Variants in ARHGAP1 observed in about 807,000 individuals in gnomAD.
The protein encoded by ARHGAP1 is Rho GTPase activating protein 1, also known as rho GTPase-activating protein 1.
ARHGAP1 carries 23 observed loss-of-function variants against 52.2 expected under a neutral mutation model. That is an observed-to-expected ratio of 0.44 (90% CI 0.32 to 0.62). ARHGAP1 has a LOEUF of 0.62. Among genes scored for constraint, ARHGAP1 ranks in the 20% least tolerant of loss-of-function variants. The pLI, the probability that ARHGAP1 is intolerant of heterozygous loss-of-function variation, is 0.05. For missense variants in ARHGAP1, 480 were observed against 560.9 expected, an observed-to-expected ratio of 0.86 and a Z score of 1.46; for synonymous variants, 210 against 228.4, an observed-to-expected ratio of 0.92 and a Z score of 0.73.
In ARHGAP1 at chr11:46,678,298, A is replaced by C. The variant is rs933635562; in HGVS notation, c.*739T>G. The C allele has an allele frequency of 3.5e-5, 6 of 171,332 alleles. No homozygotes were observed. The highest frequency in any genetic ancestry group is 3.0e-4 in the Admixed American group (5 of 16,824). 10.6% of individuals were successfully genotyped at this position (171,332 alleles called of 1,614,324 possible). On this transcript the variant is annotated 3_prime_UTR_variant, in exon 13 of 13. Transcript: ENST00000311956. The stretch of plus-strand genomic sequence containing the variant: ...GTAGCTCTCGGGGGCGGGGAGGTGG[A>C]GAGGGAGGTTTCAAGTGGATGCTGG...
chr11:46,689,197 G>A (rs1294712189), intron 3 of ARHGAP1, among the ~76,000 whole-genome samples: 4 of 151,072 alleles, frequency 2.6e-5, no homozygotes, highest in Admixed American at 6.6e-5. Context: ...AAGGAATGAA[G>A]TACTGATACA....
At chr11:46,683,894 C>A (rs1173208921) in intron 4 of ARHGAP1, among the ~76,000 whole-genome samples, 6 of 152,218 alleles carry the variant, frequency 3.9e-5, no homozygotes, top group Non-Finnish European at 8.8e-5. Flanking sequence ...CCTGCCTCGG[C>A]CTCCCAAAGT....
rs763062328 is a variant in ARHGAP1, at chr11:46,688,252, T to C, written c.238A>G (p.Lys80Glu). The change falls in exon 4 of 13, where the codon AAG becomes GAG. Residue 80 changes from lysine (K) to glutamate (E), a missense_variant. Lys to Glu is a moderately conservative substitution (Grantham distance 56). Transcript: ENST00000311956. ...AACACAATGATCTTCCGCCCATACT[T>C]GTCATCTCCTAGGTGTGGAGAAAGA... ...HQIVEVAGDDKYGRKIIVFSA... is the reference protein window; with the variant it reads ...HQIVEVAGDDEYGRKIIVFSA... 6.2e-7 allele frequency: 1 copy of C among 1,613,642 alleles called. No homozygotes were observed. The highest frequency in any genetic ancestry group is 1.7e-5 in the Admixed American group (1 of 59,964).
Position 46,681,571 on chromosome 11 carries a change from T to C in ARHGAP1, c.450-192A>G. ...GCCTCAGCCTCCTGAGTAACTAGGATTACAGGCACCCACCACCACACCTAG... is the reference window on the plus strand; with the variant it reads ...GCCTCAGCCTCCTGAGTAACTAGGACTACAGGCACCCACCACCACACCTAG... On this transcript the variant is annotated intron_variant, in intron 5 of 12. Coordinates refer to ENST00000311956, the MANE Select transcript of ARHGAP1 (RefSeq NM_004308.5). The surrounding 1 kb of genome is among the most constrained non-coding windows in gnomAD (Gnocchi z 5.7). The C allele has an allele frequency of 1.8e-6, 1 of 545,158 alleles. No homozygotes were observed. Among genetic ancestry groups the C allele is most frequent in the Non-Finnish European group, 3.3e-6 (1 of 302,086 alleles). 33.8% of individuals were successfully genotyped at this position (545,158 alleles called of 1,614,324 possible). A position where few individuals can be genotyped will look rare whatever the true frequency, so the allele number is the denominator to read the frequency against.
At position 46,679,192 on chromosome 11, in the gene ARHGAP1, T is replaced by C. The variant is rs1481494145; in HGVS notation, c.1165A>G (p.Asn389Asp). 1.2e-6 allele frequency: 2 copies of C among 1,611,012 alleles called. No individual in the cohort carries two copies. Among genetic ancestry groups the C allele is most frequent in the Non-Finnish European group, 1.7e-6 (2 of 1,178,292 alleles). The part of the protein sequence containing the change: ...SAHSDQNKMT[N>D]TNLAVVFGPN... The stretch of plus-strand genomic sequence containing the variant: ...CCGAAAACAACAGCCAGGTTAGTGT[T>C]GGTCATCTTGTTCTGGTCACTGTGT... The change falls in exon 13 of 13, where the codon AAC becomes GAC. Residue 389 changes from asparagine to aspartate, a missense_variant. Coordinates refer to ENST00000311956, the MANE Select transcript of ARHGAP1 (RefSeq NM_004308.5). This position sits in a 1 kb window ranked among gnomAD's most constrained non-coding sequence, Gnocchi z 4.4.
Position 46,682,068 on chromosome 11 carries a change from G to C in ARHGAP1, c.432C>G (p.Tyr144Ter), listed in dbSNP as rs769195308. 1 of 1,614,148 alleles carries C rather than the reference G, an allele frequency of 6.2e-7. No homozygotes were observed. The highest frequency in any genetic ancestry group is 8.5e-7 in the Non-Finnish European group (1 of 1,180,004). The change falls in exon 5 of 13, where the codon TAC (tyrosine) becomes TAG (stop). Residue 144 changes from tyrosine to a stop codon, truncating the protein, a stop_gained. Transcript: ENST00000311956. LOFTEE classifies it high-confidence loss of function. ...CAACCCACTTGCGGTCAAACTCCCG[G>C]TAGGCATCACGGAGCCAGCTGAGGG... ...KPSLSWLRDA[Y>*]REFDRKYKKN...
intron 4 of ARHGAP1, chr11:46,687,431 G>A (rs546978711): frequency 1.6e-4 from 25 of 152,422 alleles, no homozygotes; most frequent in African/African-American, 5.8e-4. Flanking sequence ...GGGTCTCAAA[G>A]AGCTGCTTGG....
Position 46,696,856 on chromosome 11 carries a change from C to T in ARHGAP1, c.-49-700G>A, listed in dbSNP as rs1174353506. On this transcript the variant is annotated intron_variant, in intron 1 of 12. Coordinates refer to ENST00000311956, the MANE Select transcript of ARHGAP1 (RefSeq NM_004308.5). This position sits in a 1 kb window ranked among gnomAD's most constrained non-coding sequence, Gnocchi z 4.8. ...TGCACTTCCAGCCTAGGCGACAGGG[C>T]AAGACTCCATCCCAAAAAAATAAAA... Among the ~76,000 whole-genome samples, 1 of 152,124 alleles carries T rather than the reference C, an allele frequency of 6.6e-6. No homozygotes were observed. Among genetic ancestry groups the T allele is most frequent in the Non-Finnish European group, 1.5e-5 (1 of 68,026 alleles).
chr11:46,693,143 C>T (rs1272337085), intron 3 of ARHGAP1, among the ~76,000 whole-genome samples: 4 of 152,130 alleles, frequency 2.6e-5, no homozygotes, highest in African/African-American at 4.8e-5. Context: ...TGAGCCACCG[C>T]GCCTGGCCTT....
Position 46,680,140 on chromosome 11 carries a change from A to T in ARHGAP1, c.898+65T>A. 1 of 1,520,848 alleles carries T rather than the reference A, an allele frequency of 6.6e-7. No individual in the cohort carries two copies. Among genetic ancestry groups the T allele is most frequent in the Non-Finnish European group, 9.1e-7 (1 of 1,096,416 alleles). The allele number at this position is 1,520,848 out of a possible 1,614,324, so 94.2% of individuals were successfully genotyped here. A position where few individuals can be genotyped will look rare whatever the true frequency, so the allele number is the denominator to read the frequency against. ...CTGAGACTCTCATTTACAGGGCAGC[A>T]GAGGGCAGAGAAGCCCCCTACCAGT... On this transcript the variant is annotated intron_variant, in intron 10 of 12. Coordinates refer to ENST00000311956, the MANE Select transcript of ARHGAP1 (RefSeq NM_004308.5). The surrounding 1 kb of genome is among the most constrained non-coding windows in gnomAD (Gnocchi z 5.9).
In ARHGAP1 at chr11:46,679,573, C is replaced by T. The variant is rs553048352; in HGVS notation, c.1027+75G>A. ...ACCCCCAGCAGTCTTCCCTGGGAGG[C>T]GCCTAGGCCCGAAAGCCTGCAGCGC... On this transcript the variant is annotated intron_variant, in intron 11 of 12. Coordinates refer to ENST00000311956, the MANE Select transcript of ARHGAP1 (RefSeq NM_004308.5). This position sits in a 1 kb window ranked among gnomAD's most constrained non-coding sequence, Gnocchi z 4.4. 5.0e-5 allele frequency: 80 copies of T among 1,607,684 alleles called. 1 individual carries two copies. In the East Asian group the frequency reaches 1.5e-3, roughly 29 times the overall value.
chr11:46,699,944 G>A (rs776004984), intron 1 of ARHGAP1, among the ~76,000 whole-genome samples: 2 of 151,886 alleles, frequency 1.3e-5, no homozygotes, highest in Non-Finnish European at 2.9e-5. Context: ...GGCGGGGGCG[G>A]GAGGATCACG....
chr11:46,690,452 G>A (rs2064603499), intron 3 of ARHGAP1, among the ~76,000 whole-genome samples: 1 of 152,030 alleles, frequency 6.6e-6, no homozygotes, highest in African/African-American at 2.4e-5. Flanking sequence ...GGCTGTTCTT[G>A]AACTCCTGGC....
chr11:46,699,972 C>T (rs941025937), intron 1 of ARHGAP1, among the ~76,000 whole-genome samples: 8 of 152,000 alleles, frequency 5.3e-5, no homozygotes, highest in Middle Eastern at 3.4e-3. Context: ...GAGTTCGAGA[C>T]CAGCCTGGCC....
intron 1 of ARHGAP1, among the ~76,000 whole-genome samples, chr11:46,699,610 G>A (rs534992810): frequency 6.6e-6 from 1 of 151,948 alleles, no homozygotes. Flanking sequence ...GGCTGAGGCA[G>A]AAGAATCGCT....
Position 46,679,176 on chromosome 11 carries a change from A to G in ARHGAP1, c.1181T>C (p.Val394Ala). The G allele has an allele frequency of 6.2e-7, 1 of 1,613,126 alleles. No homozygotes were observed. The highest frequency in any genetic ancestry group is 1.1e-5 in the South Asian group (1 of 91,018). The change falls in exon 13 of 13, where the codon GTT becomes GCT. Residue 394 changes from valine to alanine, a missense_variant. By Grantham distance (64) the Val-to-Ala change is moderately conservative (BLOSUM62 0). Coordinates refer to ENST00000311956, the MANE Select transcript of ARHGAP1 (RefSeq NM_004308.5). This position sits in a 1 kb window ranked among gnomAD's most constrained non-coding sequence, Gnocchi z 4.4. ...QNKMTNTNLA[V>A]VFGPNLLWAK... is the part of the protein sequence containing the mutation. ...CCACAGCAGGTTAGGGCCGAAAACA[A>G]CAGCCAGGTTAGTGTTGGTCATCTT...
chr11:46,695,592 G>T, intron 3 of ARHGAP1, 68 bp downstream of exon 3: 2 of 1,437,730 alleles, frequency 1.4e-6, no homozygotes, highest in Non-Finnish European at 9.6e-7. Context: ...TTCCCCTGTG[G>T]TGTGAAGGGC....
In ARHGAP1 at chr11:46,687,960, C is replaced by T. The variant is rs565150137; in HGVS notation, c.317+213G>A. The stretch of plus-strand genomic sequence containing the variant: ...GGAAAGCGAGGCTTAAAGATGCTTA[C>T]CAAGGTCACCCAGCTTCAATAACTA... On this transcript the variant is annotated intron_variant, in intron 4 of 12. Transcript: ENST00000311956. The T allele has an allele frequency of 8.7e-5, 47 of 537,726 alleles. 1 individual carries two copies. In the Middle Eastern group the frequency reaches 1.5e-3, roughly 17 times the overall value. 33.3% of individuals were successfully genotyped at this position (537,726 alleles called of 1,614,324 possible). A position where few individuals can be genotyped will look rare whatever the true frequency, so the allele number is the denominator to read the frequency against.
intron 4 of ARHGAP1, chr11:46,687,941 C>T (rs2064583753): frequency 9.8e-6 from 5 of 509,706 alleles, no homozygotes; most frequent in African/African-American, 3.9e-5. Flanking sequence ...GTGAGGAAAG[C>T]GAGGCTTAAA....
Sources: allele counts gnomAD v4.1 joint callset (sites outside exome capture counted in the v4.1 genomes callset), GRCh38; gene constraint gnomAD v4.1.1; non-coding constraint Gnocchi (gnomAD v3.1); transcripts MANE v1.5; gene names NCBI Gene and HGNC (gene_info 2026-07-23, HGNC 2026-07-21).